Variants in UNC5C observed in about 807,000 individuals in gnomAD.
UNC5C encodes the protein unc-5 netrin receptor C.
UNC5C carries 47 observed loss-of-function variants against 99.8 expected under a neutral mutation model. That is an observed-to-expected ratio of 0.47 (90% CI 0.37 to 0.60). The LOEUF (loss-of-function observed/expected upper bound fraction) is 0.60, where lower values mean the gene tolerates loss of function less well. Among genes scored for constraint, UNC5C ranks in the 20% least tolerant of loss-of-function variants. UNC5C has a pLI of 0.00. For synonymous variants in UNC5C, 487 were observed against 452.2 expected (o/e 1.08, Z -0.98); for missense variants, 1,062 against 1,165.9 (o/e 0.91, Z 1.30).
rs979733010 is a variant in UNC5C at position 95,548,884 on chromosome 4, G to A, written c.-27C>T. 5.0e-6 allele frequency: 8 copies of A among 1,610,992 alleles called. No individual in the cohort carries two copies. In the East Asian group the frequency reaches 1.8e-4, roughly 36 times the overall value. On this transcript the variant is annotated 5_prime_UTR_variant, in exon 1 of 16. Transcript: ENST00000453304. ...GTAGACAGAGGTGTGCCGGGGGGAGGGGAGGGGGACAGAGAGACGCGCAAA... is the reference window on the plus strand; with the variant it reads ...GTAGACAGAGGTGTGCCGGGGGGAGAGGAGGGGGACAGAGAGACGCGCAAA...
chr4:95,448,908 C>G (rs1212344671), intron 1 of UNC5C, among the ~76,000 whole-genome samples: 1 of 152,110 alleles, frequency 6.6e-6, no homozygotes, highest in Non-Finnish European at 1.5e-5. Context: ...TTAATCTGTT[C>G]TAGGTGCCCC....
intron 1 of UNC5C, among the ~76,000 whole-genome samples, chr4:95,381,105 CT>C (rs1160998295): frequency 2.0e-5 from 3 of 152,092 alleles, no homozygotes; most frequent in Non-Finnish European, 4.4e-5. Context: ...TCTTAAGGAG[CT>C]TTTTGTTTTA....
chr4:95,458,030 C>T (rs17023944), intron 1 of UNC5C, among the ~76,000 whole-genome samples: 7,797 of 152,164 alleles, frequency 0.051, 296 homozygotes, highest in East Asian at 0.19. Flanking sequence ...AAAGAGTCCA[C>T]AATTTCCAAT....
intron 5 of UNC5C, chr4:95,247,798 G>C (rs1035924524): frequency 3.9e-5 from 6 of 152,156 alleles, no homozygotes; most frequent in African/African-American, 1.4e-4. Flanking sequence ...GAAGAGATTT[G>C]CATGTGCATT....
chr4:95,351,731 G>T (rs530272646), intron 1 of UNC5C, among the ~76,000 whole-genome samples: 4 of 152,148 alleles, frequency 2.6e-5, no homozygotes, highest in South Asian at 4.2e-4. Flanking sequence ...CTATGCAAGT[G>T]CTAATGCCAT....
chr4:95,453,749 G>T (rs746013271), intron 1 of UNC5C, among the ~76,000 whole-genome samples: 17 of 152,056 alleles, frequency 1.1e-4, no homozygotes, highest in Non-Finnish European at 2.4e-4. Flanking sequence ...ACAGTAGAGG[G>T]TGATACTTGT....
At chr4:95,393,589 A>T (rs1356952636) in intron 1 of UNC5C, among the ~76,000 whole-genome samples, 1 of 152,096 alleles carries the variant, frequency 6.6e-6, no homozygotes, top group Non-Finnish European at 1.5e-5. Context: ...CAAATATTTA[A>T]TTTTTTGTTG....
Position 95,421,692 on chromosome 4 carries a change from T to C in UNC5C, c.125-86061A>G, listed in dbSNP as rs936388949. ...CTCATCAGATTATGAAATATAATCA[T>C]GTTTGACAAACACACGTTTATGAAT... On this transcript the variant is annotated intron_variant, in intron 1 of 15. Transcript: ENST00000453304. Among the ~76,000 whole-genome samples the C allele has an allele frequency of 9.2e-5, 14 of 152,128 alleles. No individual in the cohort carries two copies. In the East Asian group the frequency reaches 2.7e-3, roughly 29 times the overall value.
At chr4:95,508,325 T>A (rs1721976706) in intron 1 of UNC5C, among the ~76,000 whole-genome samples, 1 of 151,896 alleles carries the variant, frequency 6.6e-6, no homozygotes, top group Admixed American at 6.6e-5. Context: ...GGAAAGCACT[T>A]AGAAAAGCTT....
intron 1 of UNC5C, among the ~76,000 whole-genome samples, chr4:95,394,655 G>T (rs1432717932): frequency 6.6e-6 from 1 of 151,692 alleles, no homozygotes; most frequent in Admixed American, 6.6e-5. Flanking sequence ...TATTTGCTGT[G>T]TGTGTGTGTG....
chr4:95,190,496 ATTTT>A (rs544305981), intron 12 of UNC5C, among the ~76,000 whole-genome samples: 125 of 150,622 alleles, frequency 8.3e-4, no homozygotes, highest in African/African-American at 2.9e-3. Flanking sequence ...GAATAAAAAA[ATTTT>A]TTTTTTGTCG....
chr4:95,265,225 T>C (rs1291837012), intron 4 of UNC5C, among the ~76,000 whole-genome samples: 1 of 152,204 alleles, frequency 6.6e-6, no homozygotes, highest in East Asian at 1.9e-4. Context: ...TCCCAACTTT[T>C]CTTAAGCTCT....
intron 1 of UNC5C, among the ~76,000 whole-genome samples, chr4:95,498,933 C>T (rs956773350): frequency 6.6e-6 from 1 of 152,044 alleles, no homozygotes; most frequent in Non-Finnish European, 1.5e-5. Flanking sequence ...CTTCTCCAAA[C>T]GTACTTGTGC....
At chr4:95,536,029 T>C (rs1395835205) in intron 1 of UNC5C, among the ~76,000 whole-genome samples, 2 of 150,726 alleles carry the variant, frequency 1.3e-5, no homozygotes, top group African/African-American at 4.9e-5. Context: ...CAATCCATAC[T>C]CTAATGTGTT....
intron 1 of UNC5C, among the ~76,000 whole-genome samples, chr4:95,536,291 G>A (rs1323589902): frequency 6.6e-6 from 1 of 152,050 alleles, no homozygotes; most frequent in Non-Finnish European, 1.5e-5. Context: ...GGCTAGGCTG[G>A]TCTTGAACTC....
chr4:95,266,526 T>G (rs1253894949), intron 4 of UNC5C, among the ~76,000 whole-genome samples: 1 of 152,214 alleles, frequency 6.6e-6, no homozygotes, highest in Non-Finnish European at 1.5e-5. Flanking sequence ...TTGTGTGCAG[T>G]GTGATTTAAG....
chr4:95,448,233 A>T (rs1211310515), intron 1 of UNC5C, among the ~76,000 whole-genome samples: 214 of 142,228 alleles, frequency 1.5e-3, no homozygotes, highest in African/African-American at 3.5e-3. Flanking sequence ...TGTGTGAGAG[A>T]GAGAGAGAGA....
intron 14 of UNC5C, among the ~76,000 whole-genome samples, chr4:95,175,547 T>C (rs929717087): frequency 6.6e-6 from 1 of 152,120 alleles, no homozygotes; most frequent in South Asian, 2.1e-4. Context: ...AAAATTCTTT[T>C]CTTTAAGAAT....
rs571449295 is a variant in UNC5C at position 95,336,853 on chromosome 4, C to A, written c.125-1222G>T. On this transcript the variant is annotated intron_variant, in intron 1 of 15. Transcript: ENST00000453304. The stretch of plus-strand genomic sequence containing the variant: ...TCACTTTACCTCCTTAATTTGCTTT[C>A]TTTTGGCAGGGCATCATTTCTAGTT... Among the ~76,000 whole-genome samples the A allele has an allele frequency of 4.6e-5, 7 of 152,028 alleles. No homozygotes were observed. In the South Asian group the frequency reaches 1.4e-3, roughly 31 times the overall value.
Sources: gnomAD v4.1 joint callset for allele counts (sites outside exome capture counted in the v4.1 genomes callset) on GRCh38, gnomAD v4.1.1 for gene constraint, MANE v1.5 for transcripts, NCBI Gene and HGNC (gene_info 2026-07-23, HGNC 2026-07-21) for gene names.